Variants in ZEB1 observed in about 807,000 individuals in gnomAD.
ZEB1 encodes the protein zinc finger E-box binding homeobox 1.
A neutral mutation model predicts 84.9 loss-of-function variants in ZEB1; 21 were observed. The ratio of observed to expected loss-of-function variants is 0.25; its 90% CI spans 0.18 to 0.36. The LOEUF (loss-of-function observed/expected upper bound fraction) is 0.36. Among genes scored for constraint, ZEB1 ranks in the 10% least tolerant of loss-of-function variants. The pLI is 1.00. For synonymous variants in ZEB1, 420 were observed against 471.1 expected (o/e 0.89, Z 1.41); for missense variants, 1,104 against 1,330.2 (o/e 0.83, Z 2.65).
At chr10:31,321,128 G>T in intron 1 of ZEB1, 1 of 1,025,946 alleles carries the variant, frequency 9.7e-7, no homozygotes, top group South Asian at 3.8e-5. Context: ...CCCGCGCCTG[G>T]GCTCCCTTTC....
intron 1 of ZEB1, chr10:31,387,144 A>G (rs2048775625): frequency 2.5e-5 from 25 of 985,820 alleles, no homozygotes; most frequent in Non-Finnish European, 3.0e-5. Flanking sequence ...AACTTCCACC[A>G]CAAGAGGAAT....
intron 1 of ZEB1, among the ~76,000 whole-genome samples, chr10:31,325,771 T>C (rs2035345653): frequency 6.6e-6 from 1 of 152,026 alleles, no homozygotes; most frequent in Non-Finnish European, 1.5e-5. Flanking sequence ...TTTTCTCTTT[T>C]TAAAATATTC....
chr10:31,359,524 C>G (rs903387456), intron 1 of ZEB1, among the ~76,000 whole-genome samples: 4 of 152,058 alleles, frequency 2.6e-5, no homozygotes, highest in Non-Finnish European at 5.9e-5. Context: ...AACACAGGAA[C>G]CATGGTTTTT....
At chr10:31,321,339 TAAAC>T in intron 1 of ZEB1, 1 of 1,459,304 alleles carries the variant, frequency 6.9e-7, no homozygotes, top group East Asian at 2.4e-5. Flanking sequence ...ATTATTCAAA[TAAAC>T]ACTTGCATTT....
At chr10:31,471,716 A>G (rs1469160318) in intron 2 of ZEB1, among the ~76,000 whole-genome samples, 1 of 146,178 alleles carries the variant, frequency 6.8e-6, no homozygotes, top group Non-Finnish European at 1.5e-5. Flanking sequence ...CAGACCTAAT[A>G]GACATCTACA....
rs367685869 is a variant in ZEB1 at position 31,521,891 on chromosome 10, A to G, written c.2559A>G (p.Ala853=). 3.7e-6 allele frequency: 6 copies of G among 1,614,092 alleles called. No individual in the cohort carries two copies. The highest frequency in any genetic ancestry group is 5.1e-6 in the Non-Finnish European group (6 of 1,179,984). The change falls in exon 7 of 9, where the codon GCA becomes GCG. Residue 853 remains alanine (A), a synonymous_variant. Transcript: ENST00000424869. ...CCTACTCAACTACGGTCAGCCCTGCAGTCCAAGAACCACCCTTGAAAGTGA... is the reference window on the plus strand; with the variant it reads ...CCTACTCAACTACGGTCAGCCCTGCGGTCCAAGAACCACCCTTGAAAGTGA... The part of the protein sequence containing the change: ...AYTYSTTVSP[A]VQEPPLKVIQ...
chr10:31,323,659 A>T (rs2034702813), intron 1 of ZEB1, among the ~76,000 whole-genome samples: 1 of 152,078 alleles, frequency 6.6e-6, no homozygotes, highest in South Asian at 2.1e-4. Context: ...GTATGCTTGT[A>T]TTTAAATAAT....
chr10:31,479,440 A>G (rs898310141), intron 2 of ZEB1, among the ~76,000 whole-genome samples: 3 of 151,936 alleles, frequency 2.0e-5, no homozygotes, highest in African/African-American at 4.8e-5. Context: ...AATTCAAATA[A>G]GAACACAAGA....
intron 1 of ZEB1, among the ~76,000 whole-genome samples, chr10:31,450,969 G>C (rs1042195879): frequency 4.0e-5 from 6 of 151,776 alleles, no homozygotes; most frequent in African/African-American, 1.5e-4. Context: ...TTATTATGTT[G>C]ACTTCCTAGA....
intron 2 of ZEB1, among the ~76,000 whole-genome samples, chr10:31,476,447 G>C (rs1054150055): frequency 6.6e-6 from 1 of 151,578 alleles, no homozygotes; most frequent in Non-Finnish European, 1.5e-5. Flanking sequence ...TTATGAGTAA[G>C]GAAATTGAAT....
intron 2 of ZEB1, among the ~76,000 whole-genome samples, chr10:31,475,607 C>A (rs1419112184): frequency 6.6e-6 from 1 of 152,116 alleles, no homozygotes; most frequent in Admixed American, 6.5e-5. Context: ...TCAGCAGCAA[C>A]CTTGTAAAAC....
chr10:31,415,805 A>G (rs1399203418), intron 1 of ZEB1, among the ~76,000 whole-genome samples: 2 of 152,118 alleles, frequency 1.3e-5, no homozygotes, highest in Non-Finnish European at 2.9e-5. Flanking sequence ...GTTTCATAAT[A>G]CTTTATAGCT....
chr10:31,348,456 C>T (rs892686819), intron 1 of ZEB1, among the ~76,000 whole-genome samples: 10 of 152,076 alleles, frequency 6.6e-5, no homozygotes, highest in African/African-American at 2.4e-4. Context: ...CCCAGCTACT[C>T]AGGAGGCTGA....
At chr10:31,510,978 C>G in intron 5 of ZEB1, 103 bp downstream of exon 5, 2 of 1,047,582 alleles carry the variant, frequency 1.9e-6, no homozygotes, top group Middle Eastern at 2.0e-4. Flanking sequence ...AAAGAATGTA[C>G]TAAACAGTGC....
chr10:31,489,334 C>T (rs2066173562), intron 2 of ZEB1, among the ~76,000 whole-genome samples: 2 of 151,006 alleles, frequency 1.3e-5, no homozygotes, highest in Admixed American at 6.6e-5. Flanking sequence ...AATTTTTTAT[C>T]CTTTTACTTT....
intron 1 of ZEB1, among the ~76,000 whole-genome samples, chr10:31,325,255 A>G (rs1485911366): frequency 6.6e-6 from 1 of 152,058 alleles, no homozygotes; most frequent in Admixed American, 6.5e-5. Flanking sequence ...ATATTTTTGG[A>G]TTATATAATA....
chr10:31,429,054 C>A (rs193159140), intron 1 of ZEB1, among the ~76,000 whole-genome samples: 4 of 152,142 alleles, frequency 2.6e-5, no homozygotes, highest in Non-Finnish European at 5.9e-5. Flanking sequence ...GGCATTGAGC[C>A]CATTTACATT....
chr10:31,529,045 G>A lies in ZEB1; in HGVS notation c.*1781G>A, dbSNP rs183651581. The A allele has an allele frequency of 6.6e-6, 1 of 152,060 alleles. No individual in the cohort carries two copies. The highest frequency in any genetic ancestry group is 1.5e-5 in the Non-Finnish European group (1 of 67,984). The allele number at this position is 152,060 out of a possible 1,614,324, so 9.4% of individuals were successfully genotyped here. ...GGATTAACTTCTATAAACAGTGTTGGGAACAATGTTTAACATTTTGTGCCA... is the reference window on the plus strand; with the variant it reads ...GGATTAACTTCTATAAACAGTGTTGAGAACAATGTTTAACATTTTGTGCCA... On this transcript the variant is annotated 3_prime_UTR_variant, in exon 9 of 9. Transcript: ENST00000424869.
At chr10:31,515,627 T>A (rs992244198) in intron 6 of ZEB1, among the ~76,000 whole-genome samples, 3 of 152,104 alleles carry the variant, frequency 2.0e-5, no homozygotes, top group African/African-American at 7.2e-5. Context: ...TTATGTTTTA[T>A]TTTGGAACTG....
Sources: allele counts gnomAD v4.1 joint callset (sites outside exome capture counted in the v4.1 genomes callset), GRCh38; gene constraint gnomAD v4.1.1; transcripts MANE v1.5; gene names NCBI Gene and HGNC (gene_info 2026-07-23, HGNC 2026-07-21).